The following NSMCE2 variants were observed in gnomAD, a reference collection of about 807,000 sequenced individuals.
NSMCE2 encodes the protein NSE2 SUMO ligase component of SMC5/6 complex.
NSMCE2 carries 24 observed loss-of-function variants against 23.8 expected under a neutral mutation model. That is an observed-to-expected ratio of 1.01 (90% CI 0.73 to 1.42). The LOEUF (loss-of-function observed/expected upper bound fraction) is 1.42, where lower values mean the gene tolerates loss of function less well. NSMCE2 is among the 40% of genes most tolerant of loss of function. The pLI is 0.00. For missense variants in NSMCE2, 284 were observed against 296.5 expected (o/e 0.96, Z 0.31); for synonymous variants, 92 against 94.1 (o/e 0.98, Z 0.13).
intron 3 of NSMCE2, chr8:125,126,880 T>G (rs1819542478): frequency 2.0e-5 from 3 of 152,234 alleles, no homozygotes; most frequent in Admixed American, 1.3e-4. Context: ...ATACTGTATA[T>G]AAAATGCTTT....
At chr8:125,210,840 C>G (rs987076798) in intron 5 of NSMCE2, among the ~76,000 whole-genome samples, 1 of 152,154 alleles carries the variant, frequency 6.6e-6, no homozygotes, top group Non-Finnish European at 1.5e-5. Context: ...TATGCCTCAG[C>G]CTCCCCAGTA....
chr8:125,144,666 G>T (rs1440587259), intron 3 of NSMCE2, among the ~76,000 whole-genome samples: 2 of 152,008 alleles, frequency 1.3e-5, no homozygotes, highest in Non-Finnish European at 2.9e-5. Flanking sequence ...TTTCTTAGAC[G>T]ATCCTTTCTC....
At chr8:125,320,332 G>C (rs866167587) in intron 5 of NSMCE2, among the ~76,000 whole-genome samples, 1 of 149,472 alleles carries the variant, frequency 6.7e-6, no homozygotes, top group African/African-American at 2.5e-5. Context: ...GGGAAGGAAG[G>C]CAGGCTGAAA....
intron 7 of NSMCE2, among the ~76,000 whole-genome samples, chr8:125,366,307 G>A (rs1241732288): frequency 1.3e-5 from 2 of 152,192 alleles, no homozygotes; most frequent in Admixed American, 1.3e-4. Context: ...TTGGGAGGCC[G>A]AGGCGGGCGG....
intron 5 of NSMCE2, among the ~76,000 whole-genome samples, chr8:125,315,726 T>C (rs143887983): frequency 1.3e-4 from 20 of 152,314 alleles, no homozygotes; most frequent in Non-Finnish European, 2.9e-4. Context: ...AGTATGACTT[T>C]TTAGCAATTA....
intron 5 of NSMCE2, among the ~76,000 whole-genome samples, chr8:125,283,518 A>G (rs1174600601): frequency 6.6e-6 from 1 of 152,198 alleles, no homozygotes; most frequent in Non-Finnish European, 1.5e-5. Context: ...CTTGTGTCAA[A>G]AAAATTAAAA....
chr8:125,263,958 C>G (rs1449977684), intron 5 of NSMCE2, among the ~76,000 whole-genome samples: 1 of 152,118 alleles, frequency 6.6e-6, no homozygotes, highest in Admixed American at 6.6e-5. Flanking sequence ...AGCTGCAGTC[C>G]CCTGTTTAGA....
intron 3 of NSMCE2, among the ~76,000 whole-genome samples, chr8:125,103,588 CCTT>C (rs749719981): frequency 3.3e-5 from 5 of 152,206 alleles, no homozygotes; most frequent in African/African-American, 4.8e-5. Context: ...GCTCTCCTCT[CCTT>C]CTGTGTGACT....
intron 5 of NSMCE2, among the ~76,000 whole-genome samples, chr8:125,229,385 A>G (rs1477835792): frequency 6.6e-6 from 1 of 152,178 alleles, no homozygotes; most frequent in Non-Finnish European, 1.5e-5. Context: ...CATGTATCCC[A>G]TACAAAATTT....
At chr8:125,245,371 A>G (rs1014478968) in intron 5 of NSMCE2, among the ~76,000 whole-genome samples, 5 of 152,248 alleles carry the variant, frequency 3.3e-5, no homozygotes, top group African/African-American at 1.2e-4. Flanking sequence ...TACATCAAAT[A>G]TTAACTGAAA....
intron 4 of NSMCE2, among the ~76,000 whole-genome samples, chr8:125,169,623 A>T (rs1283326073): frequency 5.3e-5 from 8 of 151,936 alleles, no homozygotes; most frequent in African/African-American, 1.9e-4. Context: ...CTCCATTCCC[A>T]TGTTCACAGT....
rs552711082 is a variant in NSMCE2 at position 125,325,594 on chromosome 8, G to A, written c.419-31625G>A. 4.6e-5 allele frequency among the ~76,000 whole-genome samples: 7 copies of A among 152,114 alleles called. No individual in the cohort carries two copies. The South Asian group carries it at 6.2e-4, about 14-fold the overall frequency. On this transcript the variant is annotated intron_variant, in intron 5 of 7. Coordinates refer to ENST00000287437, the MANE Select transcript of NSMCE2 (RefSeq NM_173685.4). ...ACTCCTGAGCTCAAGCAATCTGCCC[G>A]CCTCAGACTACCAAAATGCTAGGAT...
intron 5 of NSMCE2, among the ~76,000 whole-genome samples, chr8:125,223,720 G>A (rs1359492685): frequency 6.6e-6 from 1 of 151,292 alleles, no homozygotes; most frequent in Non-Finnish European, 1.5e-5. Context: ...TTTCCCAGGT[G>A]TCTGGAGAAG....
chr8:125,324,468 C>CAAA (rs71295840), intron 5 of NSMCE2, among the ~76,000 whole-genome samples: 22 of 106,496 alleles, frequency 2.1e-4, no homozygotes, highest in Middle Eastern at 4.5e-3. Context: ...TACTACTCAG[C>CAAA]AAAAAAAAAA....
chr8:125,105,225 A>T (rs774670060), intron 3 of NSMCE2, among the ~76,000 whole-genome samples: 2 of 152,210 alleles, frequency 1.3e-5, no homozygotes, highest in African/African-American at 2.4e-5. Flanking sequence ...TTTACGGCTA[A>T]CAGCAGGTGT....
At chr8:125,153,056 C>CAAAAAAAAAAA (rs768246218) in intron 4 of NSMCE2, among the ~76,000 whole-genome samples, 1 of 47,458 alleles carries the variant, frequency 2.1e-5, no homozygotes, top group African/African-American at 5.9e-5. Context: ...GACTCCGTCT[C>CAAAAAAAAAAA]AAAAAAAAAA....
intron 5 of NSMCE2, among the ~76,000 whole-genome samples, chr8:125,275,967 ACTGGCACCCTATATTCCTTTGAT>A (rs1373854825): frequency 6.6e-6 from 1 of 152,174 alleles, no homozygotes; most frequent in Admixed American, 6.5e-5. Flanking sequence ...TAGAGTAGTC[ACTGGCACCCTATATTCCTTTGAT>A]CTCATGGCCT....
At chr8:125,125,555 G>A (rs995334889) in intron 3 of NSMCE2, among the ~76,000 whole-genome samples, 3 of 152,218 alleles carry the variant, frequency 2.0e-5, no homozygotes, top group African/African-American at 7.2e-5. Flanking sequence ...GGAGTTAGTG[G>A]TCAATTCTAG....
At chr8:125,321,259 G>T (rs905809647) in intron 5 of NSMCE2, among the ~76,000 whole-genome samples, 3 of 152,096 alleles carry the variant, frequency 2.0e-5, no homozygotes, top group African/African-American at 7.2e-5. Flanking sequence ...ATACACACAG[G>T]ATTTTTTTTC....
Sources: gnomAD v4.1 joint callset for allele counts (sites outside exome capture counted in the v4.1 genomes callset) on GRCh38, gnomAD v4.1.1 for gene constraint, MANE v1.5 for transcripts, NCBI Gene and HGNC (gene_info 2026-07-23, HGNC 2026-07-21) for gene names.